SHROOM3: variants seen among roughly 807,000 people sequenced by gnomAD.
SHROOM3 encodes the protein protein Shroom3.
A neutral mutation model predicts 138.6 loss-of-function variants in SHROOM3; 47 were observed. That is an observed-to-expected ratio of 0.34 (90% CI 0.27 to 0.43). SHROOM3 has a LOEUF of 0.43. Ranked by LOEUF, SHROOM3 falls within the 20% of genes least tolerant of loss-of-function variation. The probability of loss-of-function intolerance (pLI) is 1.00; values close to 1 mark genes in which losing one functional copy is unlikely to be tolerated. For synonymous variants in SHROOM3, 1,062 were observed against 1,063.3 expected, an observed-to-expected ratio of 1.00 and a Z score of 0.02; for missense variants, 2,491 against 2,596.5, an observed-to-expected ratio of 0.96 and a Z score of 0.88.
intron 1 of SHROOM3, among the ~76,000 whole-genome samples, chr4:76,488,909 C>CAATT (rs1731792718): frequency 6.6e-6 from 1 of 152,206 alleles, no homozygotes; most frequent in Non-Finnish European, 1.5e-5. Flanking sequence ...TAGGTTAAGG[C>CAATT]AATTGTTCAA....
chr4:76,659,561 T>G (rs186235800), intron 2 of SHROOM3, among the ~76,000 whole-genome samples: 43 of 152,330 alleles, frequency 2.8e-4, no homozygotes, highest in Non-Finnish European at 4.7e-4. Flanking sequence ...TCCAGTGAAG[T>G]TGCTGTGGGC....
At chr4:76,590,430 G>T (rs1235037775) in intron 2 of SHROOM3, among the ~76,000 whole-genome samples, 1 of 151,984 alleles carries the variant, frequency 6.6e-6, no homozygotes, top group African/African-American at 2.4e-5. Flanking sequence ...AGAGCTCCGA[G>T]CTCAGGCCTG....
In SHROOM3 at chr4:76,436,157, A is replaced by C. The variant is rs1366075922; in HGVS notation, c.105A>C (p.Gly35=). 1 of 1,613,908 alleles carries C rather than the reference A, an allele frequency of 6.2e-7. No individual in the cohort carries two copies. The highest frequency in any genetic ancestry group is 1.3e-5 in the African/African-American group (1 of 74,890). Residue 35 remains glycine, a synonymous_variant, in exon 1 of 11, where the codon GGA becomes GGC. Coordinates refer to ENST00000296043, the MANE Select transcript of SHROOM3 (RefSeq NM_020859.4). ...YIYLEAFLEG[G]APWGFTLKGG... Reference sequence around the variant, plus strand: ...ATCTGGAGGCATTCCTGGAGGGAGGAGCTCCCTGGGGTTTTACTCTAAAGG... The same window carrying C: ...ATCTGGAGGCATTCCTGGAGGGAGGCGCTCCCTGGGGTTTTACTCTAAAGG...
chr4:76,492,093 T>G (rs1242892050), intron 1 of SHROOM3, among the ~76,000 whole-genome samples: 1 of 152,226 alleles, frequency 6.6e-6, no homozygotes, highest in Non-Finnish European at 1.5e-5. Context: ...GTTTCAATAG[T>G]GCAATGTGCT....
At chr4:76,603,452 A>G (rs1052503337) in intron 2 of SHROOM3, among the ~76,000 whole-genome samples, 2 of 151,994 alleles carry the variant, frequency 1.3e-5, no homozygotes, top group African/African-American at 2.4e-5. Context: ...AAAACCCACA[A>G]ACAAAAAAAA....
chr4:76,711,764 A>G (rs1280826671), intron 3 of SHROOM3, among the ~76,000 whole-genome samples: 1 of 152,102 alleles, frequency 6.6e-6, no homozygotes, highest in African/African-American at 2.4e-5. Context: ...ACAAATATAC[A>G]TAAAAGAAAT....
intron 2 of SHROOM3, among the ~76,000 whole-genome samples, chr4:76,563,471 T>G (rs571512641): frequency 1.3e-5 from 2 of 152,316 alleles, no homozygotes; most frequent in African/African-American, 4.8e-5. Context: ...TGGTGGAAGG[T>G]TGAGCTCCAG....
chr4:76,613,263 T>G (rs1482358287), intron 2 of SHROOM3, among the ~76,000 whole-genome samples: 1 of 152,204 alleles, frequency 6.6e-6, no homozygotes, highest in East Asian at 1.9e-4. Flanking sequence ...TTCCCACTAC[T>G]GGACAAGTCA....
chr4:76,510,589 C>T (rs1732313845), intron 1 of SHROOM3, among the ~76,000 whole-genome samples: 2 of 152,326 alleles, frequency 1.3e-5, no homozygotes, highest in Middle Eastern at 6.8e-3. Context: ...TGTTAGCTCT[C>T]GTTGTCATTG....
intron 2 of SHROOM3, among the ~76,000 whole-genome samples, chr4:76,681,226 G>C (rs143745621): frequency 6.6e-6 from 1 of 152,208 alleles, no homozygotes; most frequent in East Asian, 1.9e-4. Flanking sequence ...TAGTTAGCAA[G>C]TTCATGCACA....
At chr4:76,763,687 A>G (rs892355160) in intron 9 of SHROOM3, among the ~76,000 whole-genome samples, 9 of 152,228 alleles carry the variant, frequency 5.9e-5, no homozygotes, top group African/African-American at 9.6e-5. Context: ...GCTTTGTGTG[A>G]AATGCTGAAG....
chr4:76,702,352 T>G (rs1024991722), intron 2 of SHROOM3, among the ~76,000 whole-genome samples: 1 of 152,254 alleles, frequency 6.6e-6, no homozygotes, highest in African/African-American at 2.4e-5. Flanking sequence ...AAAGCACAAA[T>G]AATCTGGTAC....
Position 76,741,578 on chromosome 4 carries a change from G to A in SHROOM3, c.3405G>A (p.Ser1135=), listed in dbSNP as rs550785861. ...CGCTCGAAGGCTCCGGCCTCGCCTC[G>A]GCCTCCAGCTTGAGCTCACTGCGGG... ...PAALEGSGLA[S]ASSLSSLREP... Residue 1135 remains serine, a synonymous_variant, in exon 5 of 11, where the codon TCG becomes TCA. Transcript: ENST00000296043. The surrounding 1 kb of genome is among the most constrained non-coding windows in gnomAD (Gnocchi z 6.2). 3.2e-6 allele frequency: 5 copies of A among 1,542,464 alleles called. No individual in the cohort carries two copies. The highest frequency in any genetic ancestry group is 4.8e-5 in the East Asian group (2 of 41,320).
intron 1 of SHROOM3, among the ~76,000 whole-genome samples, chr4:76,471,482 TC>T (rs1731371565): frequency 6.6e-6 from 1 of 152,176 alleles, no homozygotes; most frequent in Non-Finnish European, 1.5e-5. Context: ...GACCTTGTGA[TC>T]CACCCACCTT....
intron 10 of SHROOM3, among the ~76,000 whole-genome samples, chr4:76,776,277 A>G (rs1578041072): frequency 6.6e-6 from 1 of 152,110 alleles, no homozygotes; most frequent in Non-Finnish European, 1.5e-5. Context: ...AGAATTGTCT[A>G]TTAATGTCCT....
intron 2 of SHROOM3, among the ~76,000 whole-genome samples, chr4:76,557,224 T>TACACAC (rs1289575397): frequency 8.3e-5 from 6 of 72,010 alleles, no homozygotes; most frequent in Admixed American, 6.4e-4. Flanking sequence ...TATGTTTATG[T>TACACAC]ATACACACAC....
chr4:76,533,772 A>G (rs1005589090), intron 1 of SHROOM3, among the ~76,000 whole-genome samples: 1 of 152,180 alleles, frequency 6.6e-6, no homozygotes, highest in Admixed American at 6.5e-5. Context: ...AATGCACTTA[A>G]TTTTTTAAAA....
At chr4:76,621,150 A>T (rs1453815626) in intron 2 of SHROOM3, among the ~76,000 whole-genome samples, 1 of 150,374 alleles carries the variant, frequency 6.7e-6, no homozygotes, top group Non-Finnish European at 1.5e-5. Flanking sequence ...CCAAGTATTA[A>T]AAAAAAAAAC....
chr4:76,681,625 G>GTGTGTGTGTGTGTGTGTA (rs150048957), intron 2 of SHROOM3, among the ~76,000 whole-genome samples: 58 of 117,890 alleles, frequency 4.9e-4, no homozygotes, highest in African/African-American at 1.2e-3. Flanking sequence ...GTGTGTGTGT[G>GTGTGTGTGTGTGTGTGTA]TGTGTGTGTA....
Sources: gnomAD v4.1 joint callset for allele counts (sites outside exome capture counted in the v4.1 genomes callset) on GRCh38, gnomAD v4.1.1 for gene constraint, Gnocchi (gnomAD v3.1) non-coding constraint, MANE v1.5 for transcripts, NCBI Gene and HGNC (gene_info 2026-07-23, HGNC 2026-07-21) for gene names.